The following FAM135B variants were observed in gnomAD, a reference collection of about 807,000 sequenced individuals.
FAM135B encodes the protein family with sequence similarity 135 member B, also known as protein FAM135B.
In FAM135B, 43 loss-of-function variants were observed where a neutral mutation model predicts 127.7. The ratio of observed to expected loss-of-function variants is 0.34; its 90% CI spans 0.26 to 0.43. The LOEUF (loss-of-function observed/expected upper bound fraction) is 0.43, where lower values mean the gene tolerates loss of function less well. FAM135B is among the 20% of genes least tolerant of loss of function. FAM135B has a pLI of 1.00. For synonymous variants in FAM135B, 670 were observed against 665.1 expected, an observed-to-expected ratio of 1.01 and a Z score of -0.11; for missense variants, 1,558 against 1,725.6, an observed-to-expected ratio of 0.90 and a Z score of 1.72.
At position 138,131,238 on chromosome 8, in the gene FAM135B, G is replaced by C. The variant is rs898850015; in HGVS notation, c.*1355C>G. The C allele has an allele frequency of 6.6e-6, 1 of 152,150 alleles. No homozygotes were observed. Among genetic ancestry groups the C allele is most frequent in the Non-Finnish European group, 1.5e-5 (1 of 68,038 alleles). 9.4% of individuals were successfully genotyped at this position (152,150 alleles called of 1,614,324 possible). On this transcript the variant is annotated 3_prime_UTR_variant, in exon 20 of 20. Coordinates refer to ENST00000395297, the MANE Select transcript of FAM135B (RefSeq NM_015912.4). ...AGAAGGGATTTTTGCAGAAGCAGGAGCTTTCATCTCCAAAAGATTAGGCTC... is the reference window on the plus strand; with the variant it reads ...AGAAGGGATTTTTGCAGAAGCAGGACCTTTCATCTCCAAAAGATTAGGCTC...
At position 138,148,533 on chromosome 8, in the gene FAM135B, G is replaced by A. The variant is rs2130688117; in HGVS notation, c.3435C>T (p.Val1145=). The A allele has an allele frequency of 6.2e-7, 1 of 1,613,920 alleles. No homozygotes were observed. The highest frequency in any genetic ancestry group is 1.7e-4 in the Middle Eastern group (1 of 6,060). ...TTTAGAACTCACCATCCAGGCCATGGACACAGACAACCAGGTGAATTCCAT... is the reference window on the plus strand; with the variant it reads ...TTTAGAACTCACCATCCAGGCCATGAACACAGACAACCAGGTGAATTCCAT... ...LEDGIHLVVC[V]HGLDGNSADL... Residue 1145 remains valine, a synonymous_variant, in exon 14 of 20, where the codon GTC becomes GTT. Coordinates refer to ENST00000395297, the MANE Select transcript of FAM135B (RefSeq NM_015912.4).
At chr8:138,403,210 T>C (rs1466789708) in intron 1 of FAM135B, among the ~76,000 whole-genome samples, 1 of 152,152 alleles carries the variant, frequency 6.6e-6, no homozygotes, top group African/African-American at 2.4e-5. Flanking sequence ...ATGAGACAAC[T>C]CCTTACCAGT....
intron 6 of FAM135B, among the ~76,000 whole-genome samples, chr8:138,245,061 T>C (rs1460865833): frequency 6.6e-6 from 1 of 152,162 alleles, no homozygotes; most frequent in Non-Finnish European, 1.5e-5. Flanking sequence ...ATCCAACTGA[T>C]AGAAGTTCTT....
At chr8:138,235,463 T>C (rs1453553320) in intron 7 of FAM135B, among the ~76,000 whole-genome samples, 1 of 152,238 alleles carries the variant, frequency 6.6e-6, no homozygotes, top group Non-Finnish European at 1.5e-5. Flanking sequence ...TATGCATGTC[T>C]GTGTCTTACG....
rs534694933 is a variant in FAM135B at position 138,146,126 on chromosome 8, C to T, written c.3449-76G>A. On this transcript the variant is annotated intron_variant, in intron 14 of 19. Coordinates refer to ENST00000395297, the MANE Select transcript of FAM135B (RefSeq NM_015912.4). Reference sequence around the variant, plus strand: ...AGGTTGACACACGAGGAATTTCTTTCTCTCTCCCTCTTTCCCCATTTCTAC... The same window carrying T: ...AGGTTGACACACGAGGAATTTCTTTTTCTCTCCCTCTTTCCCCATTTCTAC... The T allele has an allele frequency of 8.0e-5, 58 of 723,918 alleles. No individual in the cohort carries two copies. In the South Asian group the frequency reaches 1.0e-3, roughly 13 times the overall value. The allele number at this position is 723,918 out of a possible 1,614,324, so 44.8% of individuals were successfully genotyped here. A position where few individuals can be genotyped will look rare whatever the true frequency, so the allele number is the denominator to read the frequency against.
intron 1 of FAM135B, among the ~76,000 whole-genome samples, chr8:138,478,445 G>A (rs1387232693): frequency 6.6e-6 from 1 of 152,020 alleles, no homozygotes; most frequent in African/African-American, 2.4e-5. Context: ...TCATTCCCCT[G>A]AACTTCCAGA....
chr8:138,354,121 G>A (rs893513203), intron 2 of FAM135B, among the ~76,000 whole-genome samples: 6 of 151,692 alleles, frequency 4.0e-5, no homozygotes, highest in African/African-American at 1.2e-4. Flanking sequence ...TTCTCCCCAC[G>A]CCAGCTGTCA....
chr8:138,432,906 C>G (rs1428470951), intron 1 of FAM135B, among the ~76,000 whole-genome samples: 1 of 152,022 alleles, frequency 6.6e-6, no homozygotes, highest in Non-Finnish European at 1.5e-5. Flanking sequence ...GTTTGTAAAA[C>G]AGTCCAGGTA....
intron 14 of FAM135B, among the ~76,000 whole-genome samples, 154 bp from the exon 15 acceptor site, chr8:138,146,204 G>A (rs1817639638): frequency 6.6e-6 from 1 of 152,082 alleles, no homozygotes. Flanking sequence ...AAAACAGCTA[G>A]AAACCCCGGC....
chr8:138,480,702 T>C (rs978921608), intron 1 of FAM135B, among the ~76,000 whole-genome samples: 5 of 152,216 alleles, frequency 3.3e-5, no homozygotes, highest in Non-Finnish European at 7.3e-5. Flanking sequence ...TCTGCATCTC[T>C]CGTCATTTTG....
At chr8:138,366,049 T>C (rs1217611393) in intron 2 of FAM135B, among the ~76,000 whole-genome samples, 2 of 152,090 alleles carry the variant, frequency 1.3e-5, no homozygotes, top group Admixed American at 6.6e-5. Context: ...CTGGGGAGAA[T>C]GCAGCCCACT....
chr8:138,157,985 T>C (rs552845295), intron 12 of FAM135B, among the ~76,000 whole-genome samples: 15 of 152,228 alleles, frequency 9.9e-5, no homozygotes, highest in African/African-American at 2.9e-4. Flanking sequence ...GAGCCCGCAT[T>C]GCCAAGTCAA....
intron 3 of FAM135B, among the ~76,000 whole-genome samples, chr8:138,309,289 A>G (rs576447001): frequency 8.3e-6 from 1 of 121,146 alleles, no homozygotes; most frequent in East Asian, 2.4e-4. Context: ...GGAGGGAACT[A>G]CTGGATTCTT....
At chr8:138,453,394 C>T (rs1420723989) in intron 1 of FAM135B, among the ~76,000 whole-genome samples, 1 of 149,398 alleles carries the variant, frequency 6.7e-6, no homozygotes, top group Admixed American at 6.6e-5. Context: ...CAAATTCCTG[C>T]CCCTGTCTTC....
At chr8:138,250,602 T>C (rs1821620934) in intron 6 of FAM135B, among the ~76,000 whole-genome samples, 2 of 152,142 alleles carry the variant, frequency 1.3e-5, no homozygotes, top group South Asian at 2.1e-4. Flanking sequence ...AGACTCCAAG[T>C]CTTCCTGGTG....
At chr8:138,142,434 G>T (rs1411795579) in intron 16 of FAM135B, among the ~76,000 whole-genome samples, 1 of 151,134 alleles carries the variant, frequency 6.6e-6, no homozygotes, top group African/African-American at 2.4e-5. Flanking sequence ...CTCCTGAGTA[G>T]CTGGGACTGC....
intron 11 of FAM135B, among the ~76,000 whole-genome samples, chr8:138,176,145 T>A (rs1379022051): frequency 2.0e-5 from 3 of 152,214 alleles, no homozygotes; most frequent in Non-Finnish European, 4.4e-5. Flanking sequence ...GAGTGCTGGG[T>A]CATCTGTGGT....
At chr8:138,458,077 G>T (rs1836905470) in intron 1 of FAM135B, among the ~76,000 whole-genome samples, 1 of 152,024 alleles carries the variant, frequency 6.6e-6, no homozygotes, top group Non-Finnish European at 1.5e-5. Flanking sequence ...ACTTGAACCT[G>T]GGAGGAAGAG....
chr8:138,403,404 A>G (rs1487542166), intron 1 of FAM135B, among the ~76,000 whole-genome samples: 2 of 152,112 alleles, frequency 1.3e-5, no homozygotes, highest in South Asian at 4.2e-4. Flanking sequence ...AGTCAAGTCT[A>G]TTGGGAGGGT....
Sources: gnomAD v4.1 joint callset for allele counts (sites outside exome capture counted in the v4.1 genomes callset) on GRCh38, gnomAD v4.1.1 for gene constraint, MANE v1.5 for transcripts, NCBI Gene and HGNC (gene_info 2026-07-23, HGNC 2026-07-21) for gene names.